ERBB4: variants seen among roughly 807,000 people sequenced by gnomAD.
ERBB4 encodes the protein erb-b2 receptor tyrosine kinase 4.
In ERBB4, 42 loss-of-function variants were observed where a neutral mutation model predicts 158.0. That is an observed-to-expected ratio of 0.27 (90% CI 0.21 to 0.34). The LOEUF (loss-of-function observed/expected upper bound fraction) is 0.34. Among genes scored for constraint, ERBB4 ranks in the 10% least tolerant of loss-of-function variants. The probability of loss-of-function intolerance (pLI) is 1.00; values close to 1 mark genes in which losing one functional copy is unlikely to be tolerated. For missense variants in ERBB4, 1,333 were observed against 1,624.1 expected, an observed-to-expected ratio of 0.82 and a Z score of 3.08; for synonymous variants, 583 against 558.7, an observed-to-expected ratio of 1.04 and a Z score of -0.61.
At chr2:211,742,661 T>G (rs914834125) in intron 5 of ERBB4, among the ~76,000 whole-genome samples, 2 of 152,090 alleles carry the variant, frequency 1.3e-5, no homozygotes, top group South Asian at 2.1e-4. Flanking sequence ...CCAATTTTCT[T>G]CATGCCCAAG....
At chr2:211,421,882 A>ATAATTCTGCTTAATT in intron 24 of ERBB4, 125 bp downstream of exon 24, 1 of 716,570 alleles carries the variant, frequency 1.4e-6, no homozygotes. Flanking sequence ...ATGTCACATG[A>ATAATTCTGCTTAATT]TAATTCTGCT....
chr2:212,328,557 TATA>T (rs1481752283), intron 1 of ERBB4, among the ~76,000 whole-genome samples: 2 of 152,058 alleles, frequency 1.3e-5, no homozygotes, highest in Non-Finnish European at 2.9e-5. Flanking sequence ...AATAGTTTAT[TATA>T]ATAATCACCA....
At chr2:212,488,281 TCCTA>T (rs1474765049) in intron 1 of ERBB4, among the ~76,000 whole-genome samples, 7 of 151,868 alleles carry the variant, frequency 4.6e-5, no homozygotes, top group Admixed American at 2.6e-4. Context: ...TTGCTTTTTT[TCCTA>T]CCTATTTTCA....
At chr2:212,391,971 A>G (rs897088437) in intron 1 of ERBB4, among the ~76,000 whole-genome samples, 2 of 151,458 alleles carry the variant, frequency 1.3e-5, no homozygotes, top group African/African-American at 4.8e-5. Flanking sequence ...TTATAGGTAA[A>G]TGACCTACTT....
rs78046340 is a variant in ERBB4 at position 212,093,488 on chromosome 2, G to C, written c.234+31264C>G. Among the ~76,000 whole-genome samples, 172 of 152,208 alleles carry C rather than the reference G, an allele frequency of 1.1e-3. 6 individuals carry two copies. In the East Asian group the frequency reaches 0.032, roughly 28 times the overall value. On this transcript the variant is annotated intron_variant, in intron 2 of 27. Transcript: ENST00000342788. ...CCCATCTGACATCTATAACTCAATG[G>C]TGTGAGAGAAGTACAACTAAAAAAG...
intron 1 of ERBB4, among the ~76,000 whole-genome samples, chr2:212,402,112 C>T (rs2091224440): frequency 6.6e-6 from 1 of 151,988 alleles, no homozygotes; most frequent in African/African-American, 2.4e-5. Context: ...AAATCAGCCC[C>T]AATATTCTTT....
chr2:211,683,822 T>C (rs2072455059), intron 12 of ERBB4, among the ~76,000 whole-genome samples: 1 of 152,002 alleles, frequency 6.6e-6, no homozygotes, highest in South Asian at 2.1e-4. Flanking sequence ...CATGTATTCA[T>C]TATTACATTT....
intron 3 of ERBB4, among the ~76,000 whole-genome samples, chr2:211,804,922 CT>C (rs201486236): frequency 1.2e-3 from 166 of 139,064 alleles, no homozygotes; most frequent in African/African-American, 1.7e-3. Context: ...TCAAAATATT[CT>C]TTTTTTTTTT....
chr2:211,548,304 A>G lies in ERBB4; in HGVS notation c.2487+13599T>C, dbSNP rs1379681539. ...AATGTTATTAGACAAACTGATAGAA[A>G]GATCGAGAGGGAAAACTATTGGTGG... On this transcript the variant is annotated intron_variant, in intron 20 of 27. Coordinates refer to ENST00000342788, the MANE Select transcript of ERBB4 (RefSeq NM_005235.3). 1.3e-5 allele frequency among the ~76,000 whole-genome samples: 2 copies of G among 151,940 alleles called. 1 individual carries two copies. The highest frequency in any genetic ancestry group is 4.8e-5 in the African/African-American group (2 of 41,388).
At chr2:212,275,465 C>T (rs1307876850) in intron 1 of ERBB4, among the ~76,000 whole-genome samples, 1 of 151,910 alleles carries the variant, frequency 6.6e-6, no homozygotes, top group Non-Finnish European at 1.5e-5. Context: ...GATTGCCATT[C>T]TAACTGGTGT....
intron 2 of ERBB4, among the ~76,000 whole-genome samples, chr2:212,058,376 T>C (rs1025785170): frequency 7.9e-5 from 12 of 151,494 alleles, no homozygotes; most frequent in African/African-American, 2.9e-4. Flanking sequence ...GAGGAACTCA[T>C]ACCATTCCTT....
At chr2:212,304,302 C>A (rs1416223508) in intron 1 of ERBB4, among the ~76,000 whole-genome samples, 1 of 151,508 alleles carries the variant, frequency 6.6e-6, no homozygotes, top group Non-Finnish European at 1.5e-5. Flanking sequence ...ATTTCCCCTG[C>A]CATTCCAAAC....
chr2:211,714,432 T>C (rs1394699174), intron 7 of ERBB4, among the ~76,000 whole-genome samples: 1 of 152,146 alleles, frequency 6.6e-6, no homozygotes, highest in Admixed American at 6.5e-5. Flanking sequence ...CTTACAGCCT[T>C]GAGGGGTGCC....
intron 1 of ERBB4, among the ~76,000 whole-genome samples, chr2:212,282,599 A>C (rs2085800589): frequency 6.6e-6 from 1 of 151,938 alleles, no homozygotes; most frequent in African/African-American, 2.4e-5. Flanking sequence ...TATGGACAAA[A>C]ATAATGGGAT....
chr2:211,738,771 A>G (rs923056923), intron 5 of ERBB4, among the ~76,000 whole-genome samples: 17 of 151,082 alleles, frequency 1.1e-4, no homozygotes, highest in Admixed American at 1.1e-3. Context: ...GGTTCAAGCG[A>G]TTCTCATGCG....
At chr2:211,583,788 T>G (rs1170580695) in intron 19 of ERBB4, among the ~76,000 whole-genome samples, 1 of 151,588 alleles carries the variant, frequency 6.6e-6, no homozygotes, top group Non-Finnish European at 1.5e-5. Context: ...CAGTAGTTAT[T>G]TTTTGTCAAT....
rs921284030 is a variant in ERBB4 at position 212,378,223 on chromosome 2, C to CCT, written c.82+160224_82+160225dup. Among the ~76,000 whole-genome samples, 10 of 151,000 alleles carry CCT rather than the reference C, an allele frequency of 6.6e-5. No homozygotes were observed. The East Asian group carries it at 9.7e-4, about 15-fold the overall frequency. ...TTGTTGGCTGAAATGTCATTATGCA[C>CCT]CTCTCTCTCTCTCTGAGGAAGACAG... On this transcript the variant is annotated intron_variant, in intron 1 of 27. Coordinates refer to ENST00000342788, the MANE Select transcript of ERBB4 (RefSeq NM_005235.3).
At chr2:211,778,765 A>G (rs2075959822) in intron 4 of ERBB4, 1 of 152,188 alleles carries the variant, frequency 6.6e-6, no homozygotes, top group Non-Finnish European at 1.5e-5. Flanking sequence ...TATTACCACT[A>G]TTATTAACAT....
At chr2:212,399,139 C>T (rs1454183063) in intron 1 of ERBB4, among the ~76,000 whole-genome samples, 3 of 151,938 alleles carry the variant, frequency 2.0e-5, no homozygotes, top group Non-Finnish European at 4.4e-5. Flanking sequence ...GACAGGGTTT[C>T]ACCATGTTGG....
Sources: gnomAD v4.1 joint callset for allele counts (sites outside exome capture counted in the v4.1 genomes callset) on GRCh38, gnomAD v4.1.1 for gene constraint, MANE v1.5 for transcripts, NCBI Gene and HGNC (gene_info 2026-07-23, HGNC 2026-07-21) for gene names.